Variants in EPB41L2 observed in about 807,000 individuals in gnomAD.
EPB41L2 encodes erythrocyte membrane protein band 4.1 like 2.
Under a neutral mutation model 113.0 loss-of-function variants are expected in EPB41L2, and 43 were observed. The observed-to-expected ratio is 0.38, with a 90% CI of 0.30 to 0.49. The LOEUF is 0.49. Among genes scored for constraint, EPB41L2 ranks in the 20% least tolerant of loss-of-function variants. The probability of loss-of-function intolerance (pLI) is 0.95; values close to 1 mark genes in which losing one functional copy is unlikely to be tolerated. For missense variants in EPB41L2, 1,147 were observed against 1,223.4 expected, an observed-to-expected ratio of 0.94 and a Z score of 0.93; for synonymous variants, 442 against 436.7, an observed-to-expected ratio of 1.01 and a Z score of -0.15.
chr6:130,933,564 A>ATATAC (rs80008979), intron 3 of EPB41L2, among the ~76,000 whole-genome samples: 118,541 of 151,572 alleles, frequency 0.78, 46,843 homozygotes, highest in East Asian at 1. Context: ...TTAAAAACCT[A>ATATAC]TATATTATAG....
At chr6:130,867,086 C>T (rs890732801) in intron 16 of EPB41L2, among the ~76,000 whole-genome samples, 9 of 152,070 alleles carry the variant, frequency 5.9e-5, no homozygotes, top group African/African-American at 2.2e-4. Context: ...ACAATTAGAT[C>T]GGATTATTAT....
At chr6:130,919,157 C>T (rs1802057017) in intron 4 of EPB41L2, among the ~76,000 whole-genome samples, 1 of 151,968 alleles carries the variant, frequency 6.6e-6, no homozygotes. Flanking sequence ...TCTTAAGTTC[C>T]CAAAGTTTTT....
At chr6:130,870,566 C>T (rs541527535) in intron 14 of EPB41L2, among the ~76,000 whole-genome samples, 15 of 152,264 alleles carry the variant, frequency 9.9e-5, no homozygotes, top group African/African-American at 3.6e-4. Flanking sequence ...GACACAAAAA[C>T]AGCCAGCATC....
intron 14 of EPB41L2, chr6:130,872,225 C>G (rs1002955283): frequency 3.6e-6 from 2 of 557,828 alleles, no homozygotes; most frequent in Admixed American, 8.9e-5. Flanking sequence ...TGTTCCAATT[C>G]AGTCATTGTT....
At chr6:130,902,058 C>T (rs970079587) in intron 6 of EPB41L2, among the ~76,000 whole-genome samples, 6 of 152,180 alleles carry the variant, frequency 3.9e-5, no homozygotes, top group African/African-American at 1.2e-4. Flanking sequence ...CTATCAATTC[C>T]TCTTGGTAAC....
chr6:131,026,637 T>C (rs2128745945), intron 1 of EPB41L2, among the ~76,000 whole-genome samples: 1 of 152,344 alleles, frequency 6.6e-6, no homozygotes, highest in Non-Finnish European at 1.5e-5. Flanking sequence ...TAAACCCATC[T>C]TTCCTGGTAT....
At chr6:131,029,360 A>C (rs1397778064) in intron 1 of EPB41L2, among the ~76,000 whole-genome samples, 2 of 151,098 alleles carry the variant, frequency 1.3e-5, no homozygotes, top group African/African-American at 2.4e-5. Context: ...AAACCTGAAA[A>C]TATCACACCC....
intron 1 of EPB41L2, among the ~76,000 whole-genome samples, chr6:130,993,349 C>A (rs973218574): frequency 6.6e-6 from 1 of 152,008 alleles, no homozygotes; most frequent in Non-Finnish European, 1.5e-5. Flanking sequence ...TCTAGGAAAC[C>A]CAACATATAT....
At chr6:130,969,900 A>T (rs1233397381) in intron 1 of EPB41L2, among the ~76,000 whole-genome samples, 1 of 152,128 alleles carries the variant, frequency 6.6e-6, no homozygotes, top group East Asian at 1.9e-4. Context: ...ACAACCAGAC[A>T]AGCATATAAA....
chr6:131,019,692 G>A (rs1367450199), intron 1 of EPB41L2, among the ~76,000 whole-genome samples: 1 of 152,098 alleles, frequency 6.6e-6, no homozygotes, highest in Non-Finnish European at 1.5e-5. Flanking sequence ...TTAAAGAAGT[G>A]TGAAATTGTA....
intron 3 of EPB41L2, among the ~76,000 whole-genome samples, chr6:130,951,438 C>T (rs1196983608): frequency 2.0e-5 from 3 of 149,072 alleles, no homozygotes; most frequent in Non-Finnish European, 4.4e-5. Context: ...GATTCTCCTG[C>T]CTCAGTCTCC....
At chr6:131,031,468 G>A (rs951932616) in intron 1 of EPB41L2, among the ~76,000 whole-genome samples, 1 of 151,996 alleles carries the variant, frequency 6.6e-6, no homozygotes, top group Non-Finnish European at 1.5e-5. Context: ...AGAATACACA[G>A]TAACCTATAA....
chr6:131,005,410 T>C (rs1463427242), intron 1 of EPB41L2, among the ~76,000 whole-genome samples: 2 of 152,140 alleles, frequency 1.3e-5, no homozygotes, highest in African/African-American at 4.8e-5. Context: ...TTTCCCAGTC[T>C]GACAATGAAG....
intron 4 of EPB41L2, among the ~76,000 whole-genome samples, chr6:130,917,799 T>A (rs1227514165): frequency 6.6e-6 from 1 of 152,238 alleles, no homozygotes; most frequent in Admixed American, 6.5e-5. Context: ...ATTCATTTAA[T>A]TCTCCTTTAA....
At chr6:130,846,854 C>G (rs897994588) in intron 19 of EPB41L2, among the ~76,000 whole-genome samples, 2 of 152,162 alleles carry the variant, frequency 1.3e-5, no homozygotes, top group Non-Finnish European at 2.9e-5. Flanking sequence ...TCGGATTTAA[C>G]TTTTATAGAT....
At chr6:130,987,419 G>A (rs890321111) in intron 1 of EPB41L2, among the ~76,000 whole-genome samples, 3 of 152,164 alleles carry the variant, frequency 2.0e-5, no homozygotes, top group African/African-American at 7.2e-5. Flanking sequence ...AGGGTCAAGC[G>A]TGGTGGCTCA....
intron 1 of EPB41L2, among the ~76,000 whole-genome samples, chr6:130,961,810 T>G (rs1773634294): frequency 1.3e-5 from 2 of 152,214 alleles, no homozygotes; most frequent in African/African-American, 4.8e-5. Context: ...CAACCCATTT[T>G]GTAAGGATCC....
intron 3 of EPB41L2, among the ~76,000 whole-genome samples, chr6:130,954,040 CT>C (rs780758511): frequency 0.023 from 1,365 of 58,790 alleles, 52 homozygotes; most frequent in African/African-American, 0.038. Context: ...CCTTTTCTTT[CT>C]TTTTTTTTTT....
intron 4 of EPB41L2, among the ~76,000 whole-genome samples, chr6:130,909,779 T>A (rs1363633579): frequency 6.6e-6 from 1 of 152,088 alleles, no homozygotes; most frequent in Non-Finnish European, 1.5e-5. Flanking sequence ...CCATTCACAA[T>A]TGCTACTAAG....
Sources: allele counts gnomAD v4.1 joint callset (sites outside exome capture counted in the v4.1 genomes callset), GRCh38; gene constraint gnomAD v4.1.1; transcripts MANE v1.5; gene names NCBI Gene and HGNC (gene_info 2026-07-23, HGNC 2026-07-21).